The following STK32B variants were observed in gnomAD, a reference collection of about 807,000 sequenced individuals.
The protein encoded by STK32B is serine/threonine kinase 32B, also known as serine/threonine-protein kinase 32B.
STK32B carries 43 observed loss-of-function variants against 52.6 expected under a neutral mutation model. The ratio of observed to expected loss-of-function variants is 0.82; its 90% CI spans 0.64 to 1.05. The LOEUF (loss-of-function observed/expected upper bound fraction) is 1.05, where lower values mean the gene tolerates loss of function less well. Ranked by LOEUF, STK32B falls within the 50% of genes least tolerant of loss-of-function variation. The pLI is 0.00. For synonymous variants in STK32B, 238 were observed against 204.3 expected (o/e 1.17, Z -1.41); for missense variants, 621 against 534.6 (o/e 1.16, Z -1.59).
At chr4:5,318,023 T>G (rs1731227343) in intron 3 of STK32B, among the ~76,000 whole-genome samples, 1 of 152,164 alleles carries the variant, frequency 6.6e-6, no homozygotes, top group Non-Finnish European at 1.5e-5. Context: ...CAGATCCTTC[T>G]GAATGCCTGC....
intron 2 of STK32B, among the ~76,000 whole-genome samples, chr4:5,163,874 A>G (rs735287): frequency 2.6e-5 from 4 of 151,706 alleles, no homozygotes; most frequent in Admixed American, 6.6e-5. Context: ...GCGAGAGGCT[A>G]AGGGTTTGGT....
chr4:5,215,724 T>A (rs1371213466), intron 3 of STK32B, among the ~76,000 whole-genome samples: 1 of 152,138 alleles, frequency 6.6e-6, no homozygotes, highest in African/African-American at 2.4e-5. Context: ...TTTATTATAA[T>A]CCTTTAAACC....
At chr4:5,190,939 G>A (rs1269294427) in intron 3 of STK32B, among the ~76,000 whole-genome samples, 1 of 152,148 alleles carries the variant, frequency 6.6e-6, no homozygotes, top group Non-Finnish European at 1.5e-5. Context: ...CAGCCTTTGT[G>A]ACTCCAGAGC....
intron 3 of STK32B, among the ~76,000 whole-genome samples, chr4:5,248,362 A>G (rs1274649392): frequency 6.6e-6 from 1 of 152,222 alleles, no homozygotes; most frequent in Non-Finnish European, 1.5e-5. Flanking sequence ...TCTAGAGCTC[A>G]TATGTTACAA....
intron 1 of STK32B, among the ~76,000 whole-genome samples, chr4:5,088,454 T>C (rs957927882): frequency 1.2e-4 from 19 of 152,122 alleles, no homozygotes; most frequent in Non-Finnish European, 1.0e-4. Context: ...ACTAAAAGAA[T>C]ATAATTGGAT....
chr4:5,224,051 C>CAGGTGCGTGCCA, intron 3 of STK32B, among the ~76,000 whole-genome samples: 1 of 152,168 alleles, frequency 6.6e-6, no homozygotes. Context: ...GTAAATCTCA[C>CAGGTGCGTGCCA]CTTTGAATCT....
the STK32B span, among the ~76,000 whole-genome samples, chr4:5,042,030 A>T: frequency 6.6e-6 from 1 of 152,224 alleles, no homozygotes; most frequent in Non-Finnish European, 1.5e-5. Flanking sequence ...ATCGTGTTAC[A>T]TAAAATTAAA....
At chr4:5,334,481 C>T (rs1168123465) in intron 4 of STK32B, among the ~76,000 whole-genome samples, 1 of 152,138 alleles carries the variant, frequency 6.6e-6, no homozygotes, top group Non-Finnish European at 1.5e-5. Context: ...CCTTCTCCTG[C>T]CTAATTGCCC....
intron 3 of STK32B, among the ~76,000 whole-genome samples, chr4:5,314,515 C>G (rs943664149): frequency 1.3e-5 from 2 of 152,094 alleles, no homozygotes; most frequent in Non-Finnish European, 2.9e-5. Flanking sequence ...ACTAAAAATA[C>G]AAAAGTTAGC....
At chr4:5,241,219 G>A (rs1725000027) in intron 3 of STK32B, among the ~76,000 whole-genome samples, 1 of 152,114 alleles carries the variant, frequency 6.6e-6, no homozygotes, top group African/African-American at 2.4e-5. Context: ...TGATTTTCAA[G>A]TCATGGATTT....
At chr4:5,333,759 T>G (rs1368909222) in intron 4 of STK32B, among the ~76,000 whole-genome samples, 1 of 152,182 alleles carries the variant, frequency 6.6e-6, no homozygotes, top group African/African-American at 2.4e-5. Context: ...CTTGTTTTTC[T>G]CAGGTTTGTC....
intron 6 of STK32B, among the ~76,000 whole-genome samples, chr4:5,440,278 CT>C (rs1228132410): frequency 2.0e-5 from 3 of 152,054 alleles, no homozygotes; most frequent in Non-Finnish European, 4.4e-5. Flanking sequence ...CTTTTATTTC[CT>C]TGAGCAGTGG....
chr4:5,463,788 C>A (rs1354738841), intron 9 of STK32B, among the ~76,000 whole-genome samples: 1 of 152,142 alleles, frequency 6.6e-6, no homozygotes, highest in Admixed American at 6.5e-5. Context: ...CTTTCTCTTC[C>A]GGGGATCCCT....
intron 1 of STK32B, among the ~76,000 whole-genome samples, chr4:5,092,534 CAAAAA>C (rs527339612): frequency 1.2e-5 from 1 of 86,908 alleles, no homozygotes. Context: ...GACTCCGTCT[CAAAAA>C]AAAAAAAAAA....
intron 10 of STK32B, 131 bp downstream of exon 10, chr4:5,466,965 T>A: frequency 8.2e-7 from 1 of 1,221,888 alleles, no homozygotes; most frequent in Non-Finnish European, 1.1e-6. Context: ...TTGCAGTAAA[T>A]AAAATGCTAC....
intron 11 of STK32B, among the ~76,000 whole-genome samples, chr4:5,478,003 G>A (rs752273013): frequency 6.6e-6 from 1 of 152,076 alleles, no homozygotes; most frequent in Non-Finnish European, 1.5e-5. Flanking sequence ...CGAGTCTAGG[G>A]AGAAATCAAC....
chr4:5,172,151 T>C (rs1719431723), intron 3 of STK32B, among the ~76,000 whole-genome samples: 1 of 152,146 alleles, frequency 6.6e-6, no homozygotes, highest in Non-Finnish European at 1.5e-5. Flanking sequence ...TTTTTGTACA[T>C]TGATTTTGTA....
chr4:5,364,089 G>A lies in STK32B; in HGVS notation c.434+32696G>A, dbSNP rs145125395. The stretch of plus-strand genomic sequence containing the variant: ...ACTTTGCTTCTTAAAAACATTCACT[G>A]ACCCCCCCCACTGTCCACAGGACAA... On this transcript the variant is annotated intron_variant, in intron 4 of 11. Transcript: ENST00000282908. Among the ~76,000 whole-genome samples the A allele has an allele frequency of 7.1e-3, 1,064 of 149,492 alleles. 8 individuals carry two copies. The highest frequency in any genetic ancestry group is 0.026 in the African/African-American group (1,014 of 39,522).
chr4:5,421,569 T>C (rs1171610078), intron 6 of STK32B, among the ~76,000 whole-genome samples: 2 of 152,174 alleles, frequency 1.3e-5, no homozygotes, highest in African/African-American at 4.8e-5. Context: ...TCTGCCTGCA[T>C]GTGGCACCAT....
Sources: gnomAD v4.1 joint callset for allele counts (sites outside exome capture counted in the v4.1 genomes callset) on GRCh38, gnomAD v4.1.1 for gene constraint, MANE v1.5 for transcripts, NCBI Gene and HGNC (gene_info 2026-07-23, HGNC 2026-07-21) for gene names.